The following MYO18A variants were observed in gnomAD, a reference collection of about 807,000 sequenced individuals.
The protein encoded by MYO18A is unconventional myosin-XVIIIa.
A neutral mutation model predicts 235.8 loss-of-function variants in MYO18A; 78 were observed. The observed-to-expected ratio is 0.33, with a 90% confidence interval of 0.28 to 0.40. The LOEUF is 0.40. Ranked by LOEUF, MYO18A falls within the 10% of genes least tolerant of loss-of-function variation. The pLI, the probability that MYO18A is intolerant of heterozygous loss-of-function variation, is 1.00. For synonymous variants in MYO18A, 977 were observed against 1,077.8 expected (o/e 0.91, Z 1.83); for missense variants, 2,215 against 2,699.3 (o/e 0.82, Z 3.98).
intron 2 of MYO18A, among the ~76,000 whole-genome samples, chr17:29,160,140 C>T (rs2068142550): frequency 6.6e-6 from 1 of 152,232 alleles, no homozygotes. Context: ...GCATTTACCA[C>T]CTGCCAACAT....
At position 29,114,062 on chromosome 17, in the gene MYO18A, G is replaced by A. The variant is rs1277148462; in HGVS notation, c.2547C>T (p.Pro849=). ...NIELAFDDLE[P]PTDDSVAAVD... ...CAGCAGCCACAGAGTCATCCGTCGG[G>A]GGTTCCAAGTCGTCAAACGCCAGCT... Residue 849 remains proline (P), a synonymous_variant, in exon 15 of 42, where the codon CCC becomes CCT. Coordinates refer to ENST00000527372, the MANE Select transcript of MYO18A (RefSeq NM_078471.4). 3 of 1,602,940 alleles carry A rather than the reference G, an allele frequency of 1.9e-6. No homozygotes were observed. Among genetic ancestry groups the A allele is most frequent in the East Asian group, 2.3e-5 (1 of 44,174 alleles).
intron 2 of MYO18A, chr17:29,155,252 T>C (rs2068042446): frequency 6.6e-6 from 1 of 152,302 alleles, no homozygotes; most frequent in Admixed American, 6.5e-5. Context: ...TTCATCAAGG[T>C]GTCCTGACGT....
intron 2 of MYO18A, among the ~76,000 whole-genome samples, chr17:29,128,872 G>A (rs1414082343): frequency 6.6e-6 from 1 of 152,160 alleles, no homozygotes; most frequent in African/African-American, 2.4e-5. Flanking sequence ...GTGCTCTGGG[G>A]TTACTGGCTT....
intron 2 of MYO18A, among the ~76,000 whole-genome samples, chr17:29,154,728 T>C (rs772812630): frequency 3.3e-5 from 5 of 152,200 alleles, no homozygotes; most frequent in African/African-American, 1.2e-4. Context: ...GTTCCCCCCA[T>C]GCCTGAAGTG....
In MYO18A at chr17:29,099,560, T is replaced by C; in HGVS notation, c.3636+74A>G. On this transcript the variant is annotated intron_variant, in intron 22 of 41. Coordinates refer to ENST00000527372, the MANE Select transcript of MYO18A (RefSeq NM_078471.4). The stretch of plus-strand genomic sequence containing the variant: ...GGAGGTTCCTGCCTCTTCTCCCCCT[T>C]ATAGCCCCCACCCCAGGAACTTGGC... 3 of 1,546,708 alleles carry C rather than the reference T, an allele frequency of 1.9e-6. No homozygotes were observed. In the African/African-American group the frequency reaches 4.1e-5, roughly 21 times the overall value.
At chr17:29,107,962 G>A (rs1320420987) in intron 19 of MYO18A, among the ~76,000 whole-genome samples, 8 of 150,506 alleles carry the variant, frequency 5.3e-5, no homozygotes, top group Non-Finnish European at 1.0e-4. Flanking sequence ...GAGAGGAATC[G>A]CGCATTGGCT....
At chr17:29,119,200 C>A in intron 8 of MYO18A, 135 bp downstream of exon 8, 1 of 631,382 alleles carries the variant, frequency 1.6e-6, no homozygotes, top group South Asian at 2.0e-5. Context: ...GAGCCTAGCA[C>A]ATAGCAGACA....
chr17:29,078,404 C>T (rs1390658463), intron 41 of MYO18A: 1 of 152,326 alleles, frequency 6.6e-6, no homozygotes, highest in Non-Finnish European at 1.5e-5. Flanking sequence ...TAACCATCTG[C>T]TGCATGGGGG....
intron 40 of MYO18A, among the ~76,000 whole-genome samples, chr17:29,084,328 C>A (rs138520044): frequency 1.3e-5 from 2 of 152,198 alleles, no homozygotes; most frequent in Admixed American, 6.5e-5. Context: ...AGGGGACAGA[C>A]AGTTGTGGGC....
intron 1 of MYO18A, among the ~76,000 whole-genome samples, chr17:29,178,856 G>A (rs753675068): frequency 1.4e-4 from 21 of 152,350 alleles, no homozygotes; most frequent in Non-Finnish European, 2.9e-4. Context: ...TGTACTCACC[G>A]TCCTGCTCAG....
At chr17:29,113,902 G>A in intron 15 of MYO18A, 109 bp downstream of exon 15, 1 of 850,934 alleles carries the variant, frequency 1.2e-6, no homozygotes, top group Non-Finnish European at 1.9e-6. Context: ...CCCTCCCTCA[G>A]CCCACAGTGG....
chr17:29,166,736 T>C lies in MYO18A; in HGVS notation c.205A>G (p.Lys69Glu). 6.2e-7 allele frequency: 1 copy of C among 1,613,826 alleles called. No individual in the cohort carries two copies. The highest frequency in any genetic ancestry group is 2.2e-5 in the East Asian group (1 of 44,876). The stretch of plus-strand genomic sequence containing the variant: ...TGCAGGTCAGAGCCGCTGGCCACCT[T>C]GATGGGGATGGGGTTGGAGATTTCC... ...RLEISNPIPI[K>E]VASGSDLHLT... The change falls in exon 2 of 42, where the codon AAG becomes GAG. Residue 69 changes from lysine to glutamate, a missense_variant. Coordinates refer to ENST00000527372, the MANE Select transcript of MYO18A (RefSeq NM_078471.4).
intron 2 of MYO18A, among the ~76,000 whole-genome samples, chr17:29,145,906 T>C (rs2067837895): frequency 6.6e-6 from 1 of 152,128 alleles, no homozygotes; most frequent in Non-Finnish European, 1.5e-5. Flanking sequence ...AGAAATGTTA[T>C]AATGTGGCAA....
intron 13 of MYO18A, 21 bp from the exon 14 acceptor site, chr17:29,115,120 T>C: frequency 6.3e-7 from 1 of 1,598,724 alleles, no homozygotes; most frequent in Non-Finnish European, 8.5e-7. Context: ...ACAGCCTGGG[T>C]CAGAGCCTCG....
chr17:29,108,669 TG>T (rs1238985211), intron 19 of MYO18A, among the ~76,000 whole-genome samples: 1 of 152,170 alleles, frequency 6.6e-6, no homozygotes, highest in East Asian at 1.9e-4. Flanking sequence ...GGCTGATGCA[TG>T]TGCCTGATAA....
At chr17:29,123,648 C>T (rs2067252979) in intron 2 of MYO18A, among the ~76,000 whole-genome samples, 1 of 152,188 alleles carries the variant, frequency 6.6e-6, no homozygotes, top group Non-Finnish European at 1.5e-5. Flanking sequence ...TTTCATGGAC[C>T]CATGAAATAA....
intron 20 of MYO18A, among the ~76,000 whole-genome samples, chr17:29,104,822 G>A (rs1029599265): frequency 2.0e-5 from 3 of 152,040 alleles, no homozygotes; most frequent in African/African-American, 4.8e-5. Flanking sequence ...AGAGGCCCAG[G>A]AGAGAATGTC....
chr17:29,081,019 A>T, intron 41 of MYO18A: 1 of 985,312 alleles, frequency 1.0e-6, no homozygotes, highest in Non-Finnish European at 1.2e-6. Flanking sequence ...GGCCGTTCCG[A>T]GGGAGGATGC....
At position 29,121,501 on chromosome 17, in the gene MYO18A, G is replaced by A. The variant is rs1276267589; in HGVS notation, c.1371+46C>T. The A allele has an allele frequency of 5.2e-6, 8 of 1,535,216 alleles. No individual in the cohort carries two copies. In the East Asian group the frequency reaches 1.2e-4, roughly 22 times the overall value. On this transcript the variant is annotated intron_variant, in intron 5 of 41. Transcript: ENST00000527372. This position sits in a 1 kb window ranked among gnomAD's most constrained non-coding sequence, Gnocchi z 4.2. ...AGGGGAAGGGCAGAGAGCCAGGGCAGGGGGTGGGACCAGGAGTCTGCAGGG... is the reference window on the plus strand; with the variant it reads ...AGGGGAAGGGCAGAGAGCCAGGGCAAGGGGTGGGACCAGGAGTCTGCAGGG...
Sources: allele counts gnomAD v4.1 joint callset (sites outside exome capture counted in the v4.1 genomes callset), GRCh38; gene constraint gnomAD v4.1.1; non-coding constraint Gnocchi (gnomAD v3.1); transcripts MANE v1.5; gene names NCBI Gene and HGNC (gene_info 2026-07-23, HGNC 2026-07-21).